The following COG3 variants were observed in gnomAD, a reference collection of about 807,000 sequenced individuals.
The protein encoded by COG3 is conserved oligomeric Golgi complex subunit 3.
In COG3, 32 loss-of-function variants were observed where a neutral mutation model predicts 114.1. The observed-to-expected ratio is 0.28, with a 90% CI of 0.21 to 0.38. The LOEUF (loss-of-function observed/expected upper bound fraction) is 0.38, where lower values mean the gene tolerates loss of function less well. Ranked by LOEUF, COG3 falls within the 10% of genes least tolerant of loss-of-function variation. COG3 has a pLI of 1.00. For missense variants in COG3, 813 were observed against 973.2 expected (o/e 0.84, Z 2.19); for synonymous variants, 352 against 365.7 (o/e 0.96, Z 0.43).
rs1236226851 is a variant in COG3 at position 45,465,180 on chromosome 13, G to A, written c.144G>A (p.Ala48=). 3 of 1,613,618 alleles carry A rather than the reference G, an allele frequency of 1.9e-6. No homozygotes were observed. The highest frequency in any genetic ancestry group is 4.5e-5 in the East Asian group (2 of 44,878). The part of the protein sequence containing the change: ...RQTDSVLELK[A]AAENLPVPAE... Reference sequence around the variant, plus strand: ...CGGACTCGGTATTGGAGCTGAAGGCGGCGGCAGAGAACTTGCCGGTGCCAG... The same window carrying A: ...CGGACTCGGTATTGGAGCTGAAGGCAGCGGCAGAGAACTTGCCGGTGCCAG... Residue 48 remains alanine (A), a synonymous_variant, in exon 1 of 23, where the codon GCG becomes GCA. Coordinates refer to ENST00000349995, the MANE Select transcript of COG3 (RefSeq NM_031431.4).
chr13:45,512,494 T>G (rs2985973), intron 16 of COG3, among the ~76,000 whole-genome samples: 132,163 of 152,030 alleles, frequency 0.87, 57,617 homozygotes, highest in Admixed American at 0.91. Context: ...TTCATGCCCC[T>G]GCCAAGTTTT....
At chr13:45,490,844 A>C in intron 8 of COG3, 71 bp from the exon 9 acceptor site, 1 of 773,774 alleles carries the variant, frequency 1.3e-6, no homozygotes, top group Non-Finnish European at 2.0e-6. Flanking sequence ...GATACAATTA[A>C]TATTATAATC....
intron 14 of COG3, among the ~76,000 whole-genome samples, chr13:45,505,561 T>TC (rs1346378072): frequency 6.6e-6 from 1 of 152,120 alleles, no homozygotes; most frequent in Non-Finnish European, 1.5e-5. Flanking sequence ...TGCCTTGGCC[T>TC]CCTAAAGTGC....
chr13:45,466,796 C>T (rs1885168386), intron 1 of COG3, among the ~76,000 whole-genome samples: 1 of 152,130 alleles, frequency 6.6e-6, no homozygotes, highest in Non-Finnish European at 1.5e-5. Context: ...TGAAGGAGAA[C>T]GTTTGGAATG....
intron 11 of COG3, 72 bp from the exon 12 acceptor site, chr13:45,493,268 AAATCAAT>A (rs1483717679): frequency 9.4e-6 from 11 of 1,168,692 alleles, no homozygotes; most frequent in Non-Finnish European, 1.4e-5. Flanking sequence ...TGACTGGAAG[AAATCAAT>A]GAGGATTTCT....
intron 1 of COG3, among the ~76,000 whole-genome samples, chr13:45,468,076 A>T (rs1475940712): frequency 6.6e-6 from 1 of 152,226 alleles, no homozygotes; most frequent in African/African-American, 2.4e-5. Context: ...GCCAGGGCAA[A>T]CTTAGTAGTG....
At chr13:45,487,284 A>C (rs1446310764) in intron 8 of COG3, among the ~76,000 whole-genome samples, 1 of 152,244 alleles carries the variant, frequency 6.6e-6, no homozygotes, top group African/African-American at 2.4e-5. Flanking sequence ...AAACTATAAA[A>C]CTACTAGAAG....
chr13:45,488,512 TAAAA>T (rs902815257), intron 8 of COG3, among the ~76,000 whole-genome samples: 5 of 152,058 alleles, frequency 3.3e-5, no homozygotes, highest in Admixed American at 1.3e-4. Context: ...TATGTATTAA[TAAAA>T]AAGATTAAGG....
Position 45,534,974 on chromosome 13 carries a change from T to C in COG3, c.*243T>C, listed in dbSNP as rs1873458212. On this transcript the variant is annotated 3_prime_UTR_variant, in exon 23 of 23. Transcript: ENST00000349995. ...ATTGGTGATAACTGCCTCGTTTAAA[T>C]GGTCACAAGAAATGTGAAGAGAGAG... is the stretch of plus-strand genomic sequence containing the variant. 8.1e-7 allele frequency: 1 copy of C among 1,231,034 alleles called. No homozygotes were observed. Among genetic ancestry groups the C allele is most frequent in the Non-Finnish European group, 1.0e-6 (1 of 987,812 alleles). 76.3% of individuals were successfully genotyped at this position (1,231,034 alleles called of 1,614,324 possible). A position where few individuals can be genotyped will look rare whatever the true frequency, so the allele number is the denominator to read the frequency against.
In COG3 at chr13:45,483,265, G is replaced by A; in HGVS notation, c.753G>A (p.Lys251=). The A allele has an allele frequency of 6.3e-7, 1 of 1,579,808 alleles. No individual in the cohort carries two copies. The highest frequency in any genetic ancestry group is 8.7e-7 in the Non-Finnish European group (1 of 1,149,556). The change falls in exon 7 of 23, where the codon AAG becomes AAA. Residue 251 remains lysine (K), a synonymous_variant. Coordinates refer to ENST00000349995, the MANE Select transcript of COG3 (RefSeq NM_031431.4). ...AAGATTATCCCATATATTTGCTGAA[G>A]TTTAAACAGTGTCTTTCTAAAGCTT... ...NFKDYPIYLL[K]FKQCLSKALH...
At chr13:45,521,754 A>G (rs1258811590) in intron 19 of COG3, among the ~76,000 whole-genome samples, 1 of 151,238 alleles carries the variant, frequency 6.6e-6, no homozygotes. Context: ...AAACCTCAGC[A>G]TTAATTACCT....
chr13:45,527,258 T>C (rs2147999), intron 20 of COG3, among the ~76,000 whole-genome samples: 48,370 of 152,126 alleles, frequency 0.32, 8,759 homozygotes, highest in Admixed American at 0.42. Flanking sequence ...CAGGAGTAGA[T>C]AAAAGGAAAC....
At chr13:45,482,523 T>A in intron 6 of COG3, 50 bp downstream of exon 6, 1 of 865,682 alleles carries the variant, frequency 1.2e-6, no homozygotes, top group East Asian at 2.6e-5. Flanking sequence ...AGATTCCTAT[T>A]CCTGTTCCTA....
At chr13:45,470,399 C>A (rs1473680563) in intron 1 of COG3, among the ~76,000 whole-genome samples, 1 of 152,112 alleles carries the variant, frequency 6.6e-6, no homozygotes, top group African/African-American at 2.4e-5. Context: ...AAGGACAGCT[C>A]TATGTATTAT....
In COG3 at chr13:45,513,964, A is replaced by G. The variant is rs1871250225; in HGVS notation, c.1809+2110A>G. 2.6e-5 allele frequency among the ~76,000 whole-genome samples: 4 copies of G among 152,130 alleles called. No homozygotes were observed. The South Asian group carries it at 8.3e-4, about 32-fold the overall frequency. The stretch of plus-strand genomic sequence containing the variant: ...TCAGATAATATGGTATGACTATGTA[A>G]TAAAATGCATTGAAGAAAATATGTA... On this transcript the variant is annotated intron_variant, in intron 16 of 22. Transcript: ENST00000349995.
intron 19 of COG3, among the ~76,000 whole-genome samples, chr13:45,521,988 A>G (rs1248989420): frequency 1.3e-5 from 2 of 151,862 alleles, no homozygotes; most frequent in Non-Finnish European, 2.9e-5. Context: ...TATTTTTTGT[A>G]GAGACGGGGT....
intron 8 of COG3, among the ~76,000 whole-genome samples, chr13:45,490,238 T>C (rs574719013): frequency 3.3e-5 from 5 of 152,302 alleles, no homozygotes; most frequent in African/African-American, 1.2e-4. Context: ...AAAAACATTT[T>C]AGAAGAATAG....
At chr13:45,488,337 T>C (rs1007244960) in intron 8 of COG3, among the ~76,000 whole-genome samples, 2 of 152,150 alleles carry the variant, frequency 1.3e-5, no homozygotes, top group Admixed American at 1.3e-4. Context: ...TAGTTAACAA[T>C]TTATTGTATA....
chr13:45,496,936 G>A (rs1868865572), intron 13 of COG3, among the ~76,000 whole-genome samples: 1 of 152,056 alleles, frequency 6.6e-6, no homozygotes, highest in Non-Finnish European at 1.5e-5. Context: ...GCCTCCCAAG[G>A]TGCTGGGATT....
Sources: gnomAD v4.1 joint callset for allele counts (sites outside exome capture counted in the v4.1 genomes callset) on GRCh38, gnomAD v4.1.1 for gene constraint, MANE v1.5 for transcripts, NCBI Gene and HGNC (gene_info 2026-07-23, HGNC 2026-07-21) for gene names.